TRIP11: variants seen among roughly 807,000 people sequenced by gnomAD.
TRIP11 encodes the protein thyroid hormone receptor interactor 11.
TRIP11 carries 148 observed loss-of-function variants against 223.1 expected under a neutral mutation model. The ratio of observed to expected loss-of-function variants is 0.66; its 90% CI spans 0.58 to 0.76. The LOEUF (loss-of-function observed/expected upper bound fraction) is 0.76, where lower values mean the gene tolerates loss of function less well. TRIP11 is among the 30% of genes least tolerant of loss of function. The probability of loss-of-function intolerance (pLI) is 0.00; values close to 1 mark genes in which losing one functional copy is unlikely to be tolerated. For synonymous variants in TRIP11, 762 were observed against 772.6 expected, an observed-to-expected ratio of 0.99 and a Z score of 0.23; for missense variants, 2,043 against 2,222.0, an observed-to-expected ratio of 0.92 and a Z score of 1.62.
chr14:91,991,148 C>T (rs2056666833), intron 15 of TRIP11, among the ~76,000 whole-genome samples: 1 of 152,066 alleles, frequency 6.6e-6, no homozygotes, highest in African/African-American at 2.4e-5. Flanking sequence ...ATGGGGGCAC[C>T]ACCCTCATGA....
chr14:91,997,360 C>T (rs776431387), intron 13 of TRIP11, among the ~76,000 whole-genome samples: 2 of 152,150 alleles, frequency 1.3e-5, no homozygotes, highest in Non-Finnish European at 2.9e-5. Flanking sequence ...CCCATTCCTA[C>T]CTCCCAGTGA....
At position 92,014,336 on chromosome 14, in the gene TRIP11, C is replaced by G. The variant is rs756195664; in HGVS notation, c.1065G>C (p.Leu355Phe). 6.2e-7 allele frequency: 1 copy of G among 1,614,032 alleles called. No individual in the cohort carries two copies. Residue 355 changes from leucine (L) to phenylalanine (F), a missense_variant, in exon 7 of 21, where the codon TTG becomes TTC. By Grantham distance (22) the Leu-to-Phe change is conservative. Coordinates refer to ENST00000267622, the MANE Select transcript of TRIP11 (RefSeq NM_004239.4). ...CAGAAGGCTGCAATTTACTACATTC[C>G]AATTTCAAGTTTTCACATTCTTCCA... is the stretch of plus-strand genomic sequence containing the variant. The part of the protein sequence containing the change: ...QIMEECENLK[L>F]ECSKLQPSAV...
intron 20 of TRIP11, among the ~76,000 whole-genome samples, 198 bp from the exon 21 acceptor site, chr14:91,970,091 T>C (rs892312340): frequency 6.6e-6 from 1 of 152,190 alleles, no homozygotes; most frequent in Non-Finnish European, 1.5e-5. Context: ...CCAGCACATC[T>C]TTTTGGACTG....
rs763126312 is a variant in TRIP11 at position 91,976,180 on chromosome 14, C to T, written c.5270G>A (p.Arg1757Gln). The change falls in exon 17 of 21, where the codon CGA becomes CAA. Residue 1757 changes from arginine (R) to glutamine (Q), a missense_variant. By Grantham distance (43) the Arg-to-Gln change is conservative (BLOSUM62 1). Coordinates refer to ENST00000267622, the MANE Select transcript of TRIP11 (RefSeq NM_004239.4). ...TTGTACATCATCCAGCATTTCTTGT[C>T]GGAGCTCATCTGTTGTAAAATATGT... ...IEELKRQNEL[R>Q]QEMLDDVQKK... The T allele has an allele frequency of 1.2e-5, 20 of 1,611,730 alleles. No homozygotes were observed. The highest frequency in any genetic ancestry group is 1.5e-5 in the Non-Finnish European group (18 of 1,179,684).
Position 92,039,756 on chromosome 14 carries a change from A to G in TRIP11, c.-71T>C. On this transcript the variant is annotated 5_prime_UTR_variant, in exon 1 of 21. Coordinates refer to ENST00000267622, the MANE Select transcript of TRIP11 (RefSeq NM_004239.4). ...ACGTTTAGCGCCGCCGGGCGATCCGACCAAATATCCTTGAACGCCTGCCTT... is the reference window on the plus strand; with the variant it reads ...ACGTTTAGCGCCGCCGGGCGATCCGGCCAAATATCCTTGAACGCCTGCCTT... 6.4e-7 allele frequency: 1 copy of G among 1,560,838 alleles called. No individual in the cohort carries two copies. Among genetic ancestry groups the G allele is most frequent in the East Asian group, 2.4e-5 (1 of 42,174 alleles).
chr14:92,001,222 T>A (rs974256655), intron 11 of TRIP11, among the ~76,000 whole-genome samples: 1 of 152,184 alleles, frequency 6.6e-6, no homozygotes, highest in South Asian at 2.1e-4. Flanking sequence ...TACAGTTTAG[T>A]ATATTTTTAG....
At chr14:91,974,517 T>G in intron 19 of TRIP11, 110 bp downstream of exon 19, 1 of 911,970 alleles carries the variant, frequency 1.1e-6, no homozygotes, top group Non-Finnish European at 1.7e-6. Context: ...AACTTCAAAA[T>G]AAAAGGGTTG....
At chr14:92,020,038 A>C (rs1399478184) in intron 4 of TRIP11, among the ~76,000 whole-genome samples, 2 of 152,112 alleles carry the variant, frequency 1.3e-5, no homozygotes, top group African/African-American at 4.8e-5. Flanking sequence ...GCCTGAGGTC[A>C]AGAGTTTGAG....
At position 92,039,541 on chromosome 14, in the gene TRIP11, T is replaced by A; in HGVS notation, c.139+6A>T. The A allele has an allele frequency of 6.2e-7, 1 of 1,613,704 alleles. No individual in the cohort carries two copies. The highest frequency in any genetic ancestry group is 2.2e-5 in the East Asian group (1 of 44,880). ...AAGCCCTCCCTTCCCTCGCTCCAGC[T>A]GTTACCTTCCACTTCCTCCGTGCCC... On this transcript the variant is annotated splice_donor_region_variant and intron_variant, in intron 1 of 20. Transcript: ENST00000267622.
chr14:91,975,025 C>T lies in TRIP11; in HGVS notation c.5457+147G>A. 3.8e-6 allele frequency: 3 copies of T among 783,018 alleles called. No homozygotes were observed. In the South Asian group the frequency reaches 4.5e-5, roughly 12 times the overall value. 48.5% of individuals were successfully genotyped at this position (783,018 alleles called of 1,614,324 possible). On this transcript the variant is annotated intron_variant, in intron 18 of 20. Transcript: ENST00000267622. ...ATATCATACATATTGAACAAATCTG[C>T]CTCTTCAATGTTGTATGAAGTAATT...
chr14:92,028,112 G>C (rs2057213100), intron 2 of TRIP11, among the ~76,000 whole-genome samples: 1 of 152,018 alleles, frequency 6.6e-6, no homozygotes, highest in South Asian at 2.1e-4. Context: ...GTCAAACCCT[G>C]GTTATAAAAG....
At chr14:92,021,045 C>T (rs966581325) in intron 4 of TRIP11, among the ~76,000 whole-genome samples, 65 of 125,868 alleles carry the variant, frequency 5.2e-4, no homozygotes, top group African/African-American at 1.6e-3. Context: ...ATTCCAGCCT[C>T]GGTGACAGAG....
At chr14:92,017,848 G>C in intron 4 of TRIP11, 98 bp from the exon 5 acceptor site, 1 of 1,090,802 alleles carries the variant, frequency 9.2e-7, no homozygotes, top group Non-Finnish European at 1.4e-6. Context: ...TTTGTAAAAA[G>C]GGGGATTTTC....
intron 16 of TRIP11, among the ~76,000 whole-genome samples, chr14:91,977,847 T>C (rs1049272200): frequency 3.3e-5 from 5 of 152,226 alleles, no homozygotes; most frequent in African/African-American, 4.8e-5. Flanking sequence ...CTGTTTACGA[T>C]GGCTTGTGGT....
intron 16 of TRIP11, 53 bp from the exon 17 acceptor site, chr14:91,976,242 G>C: frequency 7.0e-7 from 1 of 1,430,390 alleles, no homozygotes; most frequent in Non-Finnish European, 9.8e-7. Flanking sequence ...AAATAGTCTG[G>C]ATGACTATAT....
chr14:92,007,451 C>T (rs967877773), intron 10 of TRIP11, among the ~76,000 whole-genome samples, 189 bp downstream of exon 10: 1 of 152,180 alleles, frequency 6.6e-6, no homozygotes, highest in Non-Finnish European at 1.5e-5. Flanking sequence ...TTGTTGGTAT[C>T]ACAACAACAG....
In TRIP11 at chr14:92,040,024, C is replaced by G. The variant is rs2057368410; in HGVS notation, c.-339G>C. 2.3e-6 allele frequency: 1 copy of G among 428,722 alleles called. No homozygotes were observed. The highest frequency in any genetic ancestry group is 2.4e-5 in the South Asian group (1 of 41,822). 26.6% of individuals were successfully genotyped at this position (428,722 alleles called of 1,614,324 possible). On this transcript the variant is annotated 5_prime_UTR_variant, in exon 1 of 21. Transcript: ENST00000267622. Reference sequence around the variant, plus strand: ...GTTACTCCTGCCAACTCGACGCCGGCCGCCATGACACTCGCTCGGAAAGCG... The same window carrying G: ...GTTACTCCTGCCAACTCGACGCCGGGCGCCATGACACTCGCTCGGAAAGCG...
intron 2 of TRIP11, among the ~76,000 whole-genome samples, chr14:92,029,173 T>A (rs2057227812): frequency 6.6e-6 from 1 of 151,708 alleles, no homozygotes; most frequent in African/African-American, 2.4e-5. Flanking sequence ...TATTCCCAAC[T>A]ATTTTAAAAA....
intron 15 of TRIP11, among the ~76,000 whole-genome samples, chr14:91,991,721 A>C (rs1195130221): frequency 6.6e-6 from 1 of 152,182 alleles, no homozygotes; most frequent in Non-Finnish European, 1.5e-5. Context: ...AAAATAACAA[A>C]TCGCCTATAT....
Sources: allele counts gnomAD v4.1 joint callset (sites outside exome capture counted in the v4.1 genomes callset), GRCh38; gene constraint gnomAD v4.1.1; transcripts MANE v1.5; gene names NCBI Gene and HGNC (gene_info 2026-07-23, HGNC 2026-07-21).